Variants in TVP23C observed in about 807,000 individuals in gnomAD.
The protein encoded by TVP23C is Golgi apparatus membrane protein TVP23 homolog C.
TVP23C carries 19 observed loss-of-function variants against 28.7 expected under a neutral mutation model. The observed-to-expected ratio is 0.66, with a 90% CI of 0.46 to 0.97. The LOEUF (loss-of-function observed/expected upper bound fraction) is 0.97. TVP23C is among the 50% of genes least tolerant of loss of function. TVP23C has a pLI of 0.00. For synonymous variants in TVP23C, 68 were observed against 81.7 expected, an observed-to-expected ratio of 0.83 and a Z score of 0.90; for missense variants, 186 against 241.3, an observed-to-expected ratio of 0.77 and a Z score of 1.52.
intron 5 of TVP23C, among the ~76,000 whole-genome samples, chr17:15,505,348 T>C (rs1423941433): frequency 6.6e-6 from 1 of 152,150 alleles, no homozygotes; most frequent in African/African-American, 2.4e-5. Context: ...GTGGAGCACA[T>C]GTCAATTCTC....
At chr17:15,517,573 T>C (rs370732048) in intron 5 of TVP23C, among the ~76,000 whole-genome samples, 2 of 152,172 alleles carry the variant, frequency 1.3e-5, no homozygotes, top group African/African-American at 4.8e-5. Context: ...AGTTAATATA[T>C]GTAGAGGGCT....
chr17:15,539,474 G>A lies in TVP23C; in HGVS notation c.*938C>T. On this transcript the variant is annotated 3_prime_UTR_variant, in exon 6 of 6. Transcript: ENST00000518321. ...TACAAAAAAGCCAGGCGTGGTGGCG[G>A]CGCCTGTAGTCCCAGCTACTCGGGA... The A allele has an allele frequency of 2.5e-6, 1 of 397,530 alleles. No homozygotes were observed. The highest frequency in any genetic ancestry group is 3.4e-6 in the Non-Finnish European group (1 of 292,996). The allele number at this position is 397,530 out of a possible 1,614,324, so 24.6% of individuals were successfully genotyped here. A position where few individuals can be genotyped will look rare whatever the true frequency, so the allele number is the denominator to read the frequency against.
intron 5 of TVP23C, among the ~76,000 whole-genome samples, chr17:15,513,014 G>A (rs1455283445): frequency 6.6e-6 from 1 of 152,172 alleles, no homozygotes; most frequent in African/African-American, 2.4e-5. Flanking sequence ...CATTCTCTCA[G>A]AAGCACTTTT....
At chr17:15,517,264 C>A (rs1031869984) in intron 5 of TVP23C, among the ~76,000 whole-genome samples, 2 of 152,188 alleles carry the variant, frequency 1.3e-5, no homozygotes, top group Non-Finnish European at 2.9e-5. Context: ...TTCATTCAGT[C>A]CTAAATGTAC....
At chr17:15,540,965 G>T (rs1441836602) in intron 5 of TVP23C, among the ~76,000 whole-genome samples, 1 of 152,240 alleles carries the variant, frequency 6.6e-6, no homozygotes, top group Non-Finnish European at 1.5e-5. Context: ...CAGTCAAGAG[G>T]TAGATCAAGT....
intron 5 of TVP23C, among the ~76,000 whole-genome samples, chr17:15,508,429 C>T (rs1484998237): frequency 6.6e-6 from 1 of 152,192 alleles, no homozygotes; most frequent in Non-Finnish European, 1.5e-5. Flanking sequence ...AACTGCCCGG[C>T]CAAAATGGGC....
chr17:15,505,736 T>C (rs1014118003), intron 5 of TVP23C, among the ~76,000 whole-genome samples: 56 of 152,064 alleles, frequency 3.7e-4, no homozygotes, highest in Non-Finnish European at 7.2e-4. Context: ...CTAGGGCGCT[T>C]GCGGGCCAGC....
rs1267224768 is a variant in TVP23C, at chr17:15,555,354, T to C, written c.23A>G (p.Asp8Gly). 8 of 1,613,986 alleles carry C rather than the reference T, an allele frequency of 5.0e-6. No homozygotes were observed. The highest frequency in any genetic ancestry group is 6.8e-6 in the Non-Finnish European group (8 of 1,179,862). The change falls in exon 2 of 6, where the codon GAT (aspartate) becomes GGT (glycine). Residue 8 changes from aspartate (D) to glycine (G), a missense_variant. This residue lies in a region of TVP23C where 92 missense variants were observed against 94.3 expected (regional missense o/e 0.98). Transcript: ENST00000518321. MLQQDSN[D>G]DTEDVSLFDA... is the part of the protein sequence containing the mutation. ...AAACAGTGAAACATCTTCAGTGTCA[T>C]CATTACTATCCTGGTTGGAAAAATA...
chr17:15,520,221 A>G (rs1317130951), intron 5 of TVP23C, among the ~76,000 whole-genome samples: 1 of 151,382 alleles, frequency 6.6e-6, no homozygotes, highest in Non-Finnish European at 1.5e-5. Flanking sequence ...AGGGCCATAC[A>G]GAACACAAAC....
downstream of TVP23C, among the ~76,000 whole-genome samples, chr17:15,535,729 A>G (rs1426161570): frequency 6.6e-6 from 1 of 152,236 alleles, no homozygotes; most frequent in Non-Finnish European, 1.5e-5. Flanking sequence ...ATACTGTACT[A>G]ACAACTGGAG....
At chr17:15,525,066 C>T (rs1982663523) in intron 5 of TVP23C, among the ~76,000 whole-genome samples, 1 of 152,238 alleles carries the variant, frequency 6.6e-6, no homozygotes, top group Admixed American at 6.5e-5. Context: ...TCCACTGCTC[C>T]ATCCAGGGAG....
At position 15,558,902 on chromosome 17, in the gene TVP23C, C is replaced by T. The variant is rs1306356789; in HGVS notation, c.13-3538G>A. Among the ~76,000 whole-genome samples, 10 of 145,826 alleles carry T rather than the reference C, an allele frequency of 6.9e-5. 1 individual carries two copies. The South Asian group carries it at 1.8e-3, about 26-fold the overall frequency. On this transcript the variant is annotated intron_variant, in intron 1 of 5. Coordinates refer to ENST00000518321, the MANE Select transcript of TVP23C (RefSeq NM_001135036.2). Reference sequence around the variant, plus strand: ...TTTTTTTGACACAGGGTCTGGCTCTCGCCCAGGCTGGAGTGCAGTGGAACA... The same window carrying T: ...TTTTTTTGACACAGGGTCTGGCTCTTGCCCAGGCTGGAGTGCAGTGGAACA...
chr17:15,543,494 C>T (rs1983511419), intron 5 of TVP23C, among the ~76,000 whole-genome samples: 2 of 151,502 alleles, frequency 1.3e-5, no homozygotes, highest in African/African-American at 4.9e-5. Context: ...GACTATTTCA[C>T]CCTACAGAAA....
At chr17:15,543,966 T>G (rs1983533929) in intron 5 of TVP23C, among the ~76,000 whole-genome samples, 2 of 151,822 alleles carry the variant, frequency 1.3e-5, no homozygotes, top group Non-Finnish European at 1.5e-5. Context: ...CAGAAAAAAT[T>G]TTCCTGATTC....
intron 5 of TVP23C, among the ~76,000 whole-genome samples, chr17:15,516,953 C>T (rs1355499968): frequency 6.6e-6 from 1 of 152,220 alleles, no homozygotes; most frequent in Non-Finnish European, 1.5e-5. Flanking sequence ...GGCATGGCAT[C>T]TCACCCTAGG....
intron 5 of TVP23C, among the ~76,000 whole-genome samples, chr17:15,520,416 A>G (rs528216796): frequency 3.4e-5 from 5 of 147,326 alleles, no homozygotes; most frequent in African/African-American, 1.3e-4. Context: ...CTCAACTCAG[A>G]GAGGATTTTA....
intron 5 of TVP23C, among the ~76,000 whole-genome samples, chr17:15,520,790 G>A (rs576763847): frequency 5.9e-5 from 9 of 152,134 alleles, no homozygotes; most frequent in South Asian, 4.2e-4. Context: ...CCTAGTGAAC[G>A]CAGTAACGCA....
rs1189569386 is a variant in TVP23C at position 15,537,112 on chromosome 17, A to G, written c.*3300T>C. The stretch of plus-strand genomic sequence containing the variant: ...TTAACAATGTACAAATATATTCACA[A>G]CATAATCTGCTGATTAAGACTTCAA... On this transcript the variant is annotated 3_prime_UTR_variant, in exon 6 of 6. Coordinates refer to ENST00000518321, the MANE Select transcript of TVP23C (RefSeq NM_001135036.2). The G allele has an allele frequency of 1.3e-5, 3 of 229,342 alleles. No individual in the cohort carries two copies. The highest frequency in any genetic ancestry group is 7.0e-5 in the Admixed American group (1 of 14,382). The allele number at this position is 229,342 out of a possible 1,614,324, so 14.2% of individuals were successfully genotyped here. A position where few individuals can be genotyped will look rare whatever the true frequency, so the allele number is the denominator to read the frequency against.
chr17:15,510,589 C>A (rs576016430), intron 5 of TVP23C, among the ~76,000 whole-genome samples: 222 of 152,248 alleles, frequency 1.5e-3, no homozygotes, highest in Middle Eastern at 0.01. Flanking sequence ...CTGCAATGGC[C>A]TGTATGTCAC....
Sources: gnomAD v4.1 joint callset for allele counts (sites outside exome capture counted in the v4.1 genomes callset) on GRCh38, gnomAD v4.1.1 for gene constraint, gnomAD v4.1.1 regional missense constraint, MANE v1.5 for transcripts, NCBI Gene and HGNC (gene_info 2026-07-23, HGNC 2026-07-21) for gene names.